BPGM: variants seen among roughly 807,000 people sequenced by gnomAD.
The protein encoded by BPGM is bisphosphoglycerate mutase, also known as 2,3-bisphosphoglycerate mutase, erythrocyte.
Under a neutral mutation model 21.6 loss-of-function variants are expected in BPGM, and 15 were observed. That is an observed-to-expected ratio of 0.70 (90% CI 0.47 to 1.07). BPGM has a LOEUF of 1.07. Among genes scored for constraint, BPGM ranks in the 50% least tolerant of loss-of-function variants. The pLI, the probability that BPGM is intolerant of heterozygous loss-of-function variation, is 0.00. For synonymous variants in BPGM, 113 were observed against 116.2 expected (o/e 0.97, Z 0.18); for missense variants, 273 against 319.0 (o/e 0.86, Z 1.10).
chr7:134,665,648 T>TGAAAAAAAAA (rs1795807384), intron 2 of BPGM, among the ~76,000 whole-genome samples: 1 of 4,002 alleles, frequency 2.5e-4, no homozygotes, highest in Non-Finnish European at 3.3e-4. Flanking sequence ...TAAAAATTAA[T>TGAAAAAAAAA]GAAAAAAAAA....
Position 134,678,936 on chromosome 7 carries a change from G to C in BPGM, c.685G>C (p.Val229Leu), listed in dbSNP as rs781591982. ...GGAATTGGATGAAAACCTGCGTGCTGTTGGGCCTCATCAGTTCCTGGGTGA... is the reference window on the plus strand; with the variant it reads ...GGAATTGGATGAAAACCTGCGTGCTCTTGGGCCTCATCAGTTCCTGGGTGA... ...LLELDENLRA[V>L]GPHQFLGDQE... The change falls in exon 3 of 3, where the codon GTT becomes CTT. Residue 229 changes from valine to leucine, a missense_variant. Transcript: ENST00000344924. 9 of 1,614,098 alleles carry C rather than the reference G, an allele frequency of 5.6e-6. No individual in the cohort carries two copies. The East Asian group carries it at 2.0e-4, about 36-fold the overall frequency.
chr7:134,666,033 A>G (rs1329833253), intron 2 of BPGM, among the ~76,000 whole-genome samples: 1 of 151,878 alleles, frequency 6.6e-6, no homozygotes. Context: ...GTGTACCACC[A>G]CACCTGGCTA....
intron 2 of BPGM, among the ~76,000 whole-genome samples, chr7:134,668,698 T>A (rs1336568041): frequency 1.3e-5 from 2 of 152,228 alleles, no homozygotes; most frequent in African/African-American, 4.8e-5. Context: ...TTTCATTTGA[T>A]CAATCATTGA....
chr7:134,652,835 C>T (rs1585851953), intron 1 of BPGM, among the ~76,000 whole-genome samples: 1 of 152,152 alleles, frequency 6.6e-6, no homozygotes, highest in African/African-American at 2.4e-5. Context: ...GAATGATATT[C>T]CATTGTATAT....
At chr7:134,674,541 G>C (rs1268043083) in intron 2 of BPGM, among the ~76,000 whole-genome samples, 4 of 152,178 alleles carry the variant, frequency 2.6e-5, no homozygotes, top group Admixed American at 6.5e-5. Context: ...TTATTTAGTA[G>C]CATCATGCTT....
intron 2 of BPGM, among the ~76,000 whole-genome samples, chr7:134,672,034 G>C (rs1339809001): frequency 6.6e-6 from 1 of 152,062 alleles, no homozygotes; most frequent in Admixed American, 6.6e-5. Flanking sequence ...TAGGGGAGGG[G>C]GTTGGTAGGT....
intron 1 of BPGM, among the ~76,000 whole-genome samples, chr7:134,649,922 C>T (rs904425177): frequency 6.6e-5 from 10 of 152,180 alleles, no homozygotes; most frequent in Non-Finnish European, 4.4e-5. Flanking sequence ...GAGATCTGTG[C>T]CATTATTTAT....
At chr7:134,657,486 G>T (rs1369678819) in intron 1 of BPGM, among the ~76,000 whole-genome samples, 1 of 152,162 alleles carries the variant, frequency 6.6e-6, no homozygotes. Context: ...ATAAATGAGG[G>T]CAAGAGAACT....
chr7:134,672,867 T>C (rs187304842), intron 2 of BPGM, among the ~76,000 whole-genome samples: 4 of 152,254 alleles, frequency 2.6e-5, no homozygotes, highest in Non-Finnish European at 5.9e-5. Context: ...TGGTTTTTCC[T>C]AATTTGCTGT....
In BPGM at chr7:134,661,424, A is replaced by G. The variant is rs1795728193; in HGVS notation, c.-61-23A>G. 1.3e-6 allele frequency: 2 copies of G among 1,582,012 alleles called. No individual in the cohort carries two copies. Among genetic ancestry groups the G allele is most frequent in the Non-Finnish European group, 1.7e-6 (2 of 1,153,278 alleles). ...AGATTGTCAGTTGAATATAACTTAG[A>G]CTTGTTGTTCTTGTCTTTCTAGATG... On this transcript the variant is annotated intron_variant, in intron 1 of 2. Coordinates refer to ENST00000344924, the MANE Select transcript of BPGM (RefSeq NM_001724.5). This position sits in a 1 kb window ranked among gnomAD's most constrained non-coding sequence, Gnocchi z 4.6.
chr7:134,664,812 C>T (rs893655061), intron 2 of BPGM, among the ~76,000 whole-genome samples: 1 of 152,116 alleles, frequency 6.6e-6, no homozygotes, highest in Non-Finnish European at 1.5e-5. Context: ...ATTGAAATAA[C>T]TCTGTTATGT....
At chr7:134,655,038 C>A (rs1216299007) in intron 1 of BPGM, among the ~76,000 whole-genome samples, 1 of 152,118 alleles carries the variant, frequency 6.6e-6, no homozygotes, top group Non-Finnish European at 1.5e-5. Flanking sequence ...CCTATGTGTT[C>A]TTTTTTTGAC....
intron 1 of BPGM, among the ~76,000 whole-genome samples, chr7:134,652,406 C>T (rs148044354): frequency 8.5e-5 from 13 of 152,206 alleles, no homozygotes; most frequent in Non-Finnish European, 1.3e-4. Context: ...TACAGATATA[C>T]AATATGTAAT....
At chr7:134,662,213 A>G (rs1795747829) in intron 2 of BPGM, 105 bp downstream of exon 2, 1 of 1,439,788 alleles carries the variant, frequency 6.9e-7, no homozygotes, top group South Asian at 1.2e-5. Context: ...AGACTCCTCT[A>G]TCCCCCTTTG....
chr7:134,666,053 A>AT (rs1795816450), intron 2 of BPGM, among the ~76,000 whole-genome samples: 1 of 151,440 alleles, frequency 6.6e-6, no homozygotes, highest in African/African-American at 2.4e-5. Context: ...AATTTTTGTA[A>AT]TTTTTTAGTA....
At chr7:134,655,772 A>ATTTCTG (rs949265882) in intron 1 of BPGM, among the ~76,000 whole-genome samples, 3 of 152,154 alleles carry the variant, frequency 2.0e-5, no homozygotes, top group African/African-American at 7.2e-5. Context: ...CAATCCAGTC[A>ATTTCTG]TTTCTGTCTG....
At chr7:134,662,253 TATAAA>T in intron 2 of BPGM, 145 bp downstream of exon 2, 1 of 1,219,742 alleles carries the variant, frequency 8.2e-7, no homozygotes, top group South Asian at 1.3e-5. Context: ...TGTCTTGTTC[TATAAA>T]TCAGATCTCT....
Position 134,661,559 on chromosome 7 carries a change from A to G in BPGM, c.52A>G (p.Lys18Glu). The change falls in exon 2 of 3, where the codon AAG (lysine) becomes GAG (glutamate). Residue 18 changes from lysine to glutamate, a missense_variant. By Grantham distance (56) the Lys-to-Glu change is moderately conservative. Transcript: ENST00000344924. This position sits in a 1 kb window ranked among gnomAD's most constrained non-coding sequence, Gnocchi z 4.6. ...MLRHGEGAWN[K>E]ENRFCSWVDQ... ...AAGACATGGAGAGGGTGCTTGGAAT[A>G]AGGAGAACCGTTTTTGTAGCTGGGT... The G allele has an allele frequency of 6.2e-7, 1 of 1,614,218 alleles. No individual in the cohort carries two copies. Among genetic ancestry groups the G allele is most frequent in the South Asian group, 1.1e-5 (1 of 91,088 alleles).
Position 134,661,600 on chromosome 7 carries a change from C to T in BPGM, c.93C>T (p.Asn31=), listed in dbSNP as rs1795732267. The T allele has an allele frequency of 1.2e-6, 2 of 1,614,122 alleles. No individual in the cohort carries two copies. The highest frequency in any genetic ancestry group is 1.7e-6 in the Non-Finnish European group (2 of 1,180,028). Reference sequence around the variant, plus strand: ...GTAGCTGGGTGGATCAGAAACTCAACAGCGAAGGAATGGAGGAAGCTCGGA... The same window carrying T: ...GTAGCTGGGTGGATCAGAAACTCAATAGCGAAGGAATGGAGGAAGCTCGGA... The part of the protein sequence containing the change: ...RFCSWVDQKL[N]SEGMEEARNC... The change falls in exon 2 of 3, where the codon AAC becomes AAT. Residue 31 remains asparagine (N), a synonymous_variant. Transcript: ENST00000344924. This position sits in a 1 kb window ranked among gnomAD's most constrained non-coding sequence, Gnocchi z 4.6.
Sources: allele counts gnomAD v4.1 joint callset (sites outside exome capture counted in the v4.1 genomes callset), GRCh38; gene constraint gnomAD v4.1.1; non-coding constraint Gnocchi (gnomAD v3.1); transcripts MANE v1.5; gene names NCBI Gene and HGNC (gene_info 2026-07-23, HGNC 2026-07-21).